DMXL2: variants seen among roughly 807,000 people sequenced by gnomAD.
The protein encoded by DMXL2 is dmX-like protein 2.
In DMXL2, 103 loss-of-function variants were observed where a neutral mutation model predicts 331.1. The ratio of observed to expected loss-of-function variants is 0.31; its 90% CI spans 0.27 to 0.37. The LOEUF (loss-of-function observed/expected upper bound fraction) is 0.37, where lower values mean the gene tolerates loss of function less well. DMXL2 is among the 10% of genes least tolerant of loss of function. The probability of loss-of-function intolerance (pLI) is 1.00; values close to 1 mark genes in which losing one functional copy is unlikely to be tolerated. For missense variants in DMXL2, 3,171 were observed against 3,642.9 expected (o/e 0.87, Z 3.33); for synonymous variants, 1,281 against 1,252.1 (o/e 1.02, Z -0.49).
chr15:51,542,330 T>C lies in DMXL2; in HGVS notation c.1105+3A>G. On this transcript the variant is annotated splice_donor_region_variant and intron_variant, in intron 9 of 43. Coordinates refer to ENST00000560891, the MANE Select transcript of DMXL2 (RefSeq NM_001378457.1). ...TTATGGGAAATAAAACTTTATCCTT[T>C]ACCTGTGGCAGGGTTGATGCTTGCT... 1 of 1,612,122 alleles carries C rather than the reference T, an allele frequency of 6.2e-7. No homozygotes were observed. Among genetic ancestry groups the C allele is most frequent in the Non-Finnish European group, 8.5e-7 (1 of 1,178,704 alleles).
At chr15:51,459,994 G>A in intron 33 of DMXL2, 1 of 984,806 alleles carries the variant, frequency 1.0e-6, no homozygotes, top group Non-Finnish European at 1.2e-6. Flanking sequence ...AGCAGATGCA[G>A]AAGATGCTAC....
chr15:51,517,388 C>T (rs1393087640), intron 13 of DMXL2, among the ~76,000 whole-genome samples: 1 of 152,210 alleles, frequency 6.6e-6, no homozygotes, highest in African/African-American at 2.4e-5. Flanking sequence ...TAGCATATAA[C>T]TTCAAGGTAT....
chr15:51,622,649 A>C lies in DMXL2; in HGVS notation c.-104T>G, dbSNP rs563016018. 1.4e-6 allele frequency: 2 copies of C among 1,442,844 alleles called. No individual in the cohort carries two copies. The highest frequency in any genetic ancestry group is 1.8e-6 in the Non-Finnish European group (2 of 1,092,840). The allele number at this position is 1,442,844 out of a possible 1,614,324, so 89.4% of individuals were successfully genotyped here. On this transcript the variant is annotated 5_prime_UTR_variant, in exon 1 of 44. Transcript: ENST00000560891. ...GTTTCCCTCTGTGCCTCCCTCGGAA[A>C]CCCGCCCCGCGGAGGCTCTGGCTTA...
chr15:51,600,891 C>T (rs75817679), intron 1 of DMXL2, among the ~76,000 whole-genome samples: 13,267 of 152,180 alleles, frequency 0.087, 862 homozygotes, highest in Non-Finnish European at 0.13. Context: ...ATGGTCATAT[C>T]CCAGCTCCAC....
At chr15:51,550,565 A>C (rs1226762191) in intron 6 of DMXL2, among the ~76,000 whole-genome samples, 3 of 152,150 alleles carry the variant, frequency 2.0e-5, no homozygotes, top group Non-Finnish European at 2.9e-5. Context: ...CACTAACTAT[A>C]TTCACCATGC....
At chr15:51,582,054 G>A (rs1475535569) in intron 1 of DMXL2, among the ~76,000 whole-genome samples, 4 of 152,100 alleles carry the variant, frequency 2.6e-5, no homozygotes, top group Non-Finnish European at 5.9e-5. Flanking sequence ...CTTTTCTACT[G>A]AAGAAGGTAC....
At chr15:51,478,126 T>C (rs1017661688) in intron 26 of DMXL2, 145 bp downstream of exon 26, 8 of 570,824 alleles carry the variant, frequency 1.4e-5, no homozygotes, top group Non-Finnish European at 2.1e-5. Flanking sequence ...AATTATTTTA[T>C]TTCTGATTCT....
chr15:51,579,427 T>C (rs143371761), intron 1 of DMXL2, among the ~76,000 whole-genome samples: 1 of 152,264 alleles, frequency 6.6e-6, no homozygotes, highest in East Asian at 1.9e-4. Context: ...CATTCTGTAA[T>C]TGAGGGCCCA....
At chr15:51,549,605 A>G (rs1260750346) in intron 6 of DMXL2, among the ~76,000 whole-genome samples, 1 of 152,178 alleles carries the variant, frequency 6.6e-6, no homozygotes, top group African/African-American at 2.4e-5. Context: ...TTTATACCAC[A>G]TCCCCACCAA....
At chr15:51,593,881 T>C (rs920060443) in intron 1 of DMXL2, among the ~76,000 whole-genome samples, 15 of 152,188 alleles carry the variant, frequency 9.9e-5, no homozygotes, top group African/African-American at 3.4e-4. Context: ...AACAAAGACA[T>C]GACATACCAG....
In DMXL2 at chr15:51,480,679, T is replaced by C; in HGVS notation, c.6427A>G (p.Arg2143Gly). The C allele has an allele frequency of 6.2e-7, 1 of 1,612,818 alleles. No individual in the cohort carries two copies. The highest frequency in any genetic ancestry group is 8.5e-7 in the Non-Finnish European group (1 of 1,178,982). Reference sequence around the variant, plus strand: ...TTTTTCTGCAACCACGACTTTCGTCTTTCTGCATGCTCTCGTTTGGCCTGC... The same window carrying C: ...TTTTTCTGCAACCACGACTTTCGTCCTTCTGCATGCTCTCGTTTGGCCTGC... Reference protein sequence around the residue: ...RLQAKREHAERRKSWLQKNQD... With the variant: ...RLQAKREHAEGRKSWLQKNQD... The change falls in exon 24 of 44, where the codon AGA (arginine) becomes GGA (glycine). Residue 2143 changes from arginine (R) to glycine (G), a missense_variant. Arg to Gly is a moderately radical substitution (Grantham distance 125). This residue lies in a region of DMXL2 where 197 missense variants were observed against 196.2 expected (regional missense o/e 1.00). Coordinates refer to ENST00000560891, the MANE Select transcript of DMXL2 (RefSeq NM_001378457.1).
rs779077865 is a variant in DMXL2, at chr15:51,486,113, T to C, written c.5442A>G (p.Thr1814=). The C allele has an allele frequency of 1.2e-5, 20 of 1,613,484 alleles. No individual in the cohort carries two copies. Among genetic ancestry groups the C allele is most frequent in the Non-Finnish European group, 1.7e-5 (20 of 1,179,580 alleles). ...VMKDYTRALD[T]LLEQTPKEDD... Reference sequence around the variant, plus strand: ...CCTCCTTTGGTGTTTGTTCCAGTAATGTGTCCAAGGCTCGGGTGTAATCTT... The same window carrying C: ...CCTCCTTTGGTGTTTGTTCCAGTAACGTGTCCAAGGCTCGGGTGTAATCTT... Residue 1814 remains threonine (T), a synonymous_variant, in exon 23 of 44, where the codon ACA becomes ACG. Transcript: ENST00000560891.
intron 1 of DMXL2, among the ~76,000 whole-genome samples, chr15:51,609,483 T>C (rs2053811106): frequency 6.6e-6 from 1 of 152,262 alleles, no homozygotes; most frequent in Non-Finnish European, 1.5e-5. Context: ...ATATTTTCAC[T>C]GTACCTTTTC....
chr15:51,448,140 A>AC lies in DMXL2; in HGVS notation c.*843dup, dbSNP rs2038839067. ...CTATTAACTGGCCACAAGAAGCCTA[A>AC]CATTCATTTTAATTATGATATGAAA... On this transcript the variant is annotated 3_prime_UTR_variant, in exon 44 of 44. Coordinates refer to ENST00000560891, the MANE Select transcript of DMXL2 (RefSeq NM_001378457.1). 6.5e-6 allele frequency: 1 copy of AC among 152,774 alleles called. No homozygotes were observed. Among genetic ancestry groups the AC allele is most frequent in the South Asian group, 2.1e-4 (1 of 4,824 alleles). The allele number at this position is 152,774 out of a possible 1,614,324, so 9.5% of individuals were successfully genotyped here.
At chr15:51,555,483 G>T (rs900339987) in intron 6 of DMXL2, among the ~76,000 whole-genome samples, 5 of 152,120 alleles carry the variant, frequency 3.3e-5, no homozygotes, top group Admixed American at 2.0e-4. Context: ...GACTAGAAGA[G>T]CCCTGGGCAC....
At chr15:51,512,456 G>A (rs73399572) in intron 15 of DMXL2, among the ~76,000 whole-genome samples, 7 of 152,286 alleles carry the variant, frequency 4.6e-5, no homozygotes, top group African/African-American at 1.4e-4. Flanking sequence ...AATATGTAAG[G>A]AAGTTATTTT....
intron 36 of DMXL2, chr15:51,457,744 G>A: frequency 3.0e-6 from 1 of 338,482 alleles, no homozygotes; most frequent in South Asian, 4.0e-5. Context: ...AAAATATTAT[G>A]TTCTCTTCAA....
chr15:51,511,535 AAAC>A (rs2046755359), intron 15 of DMXL2, among the ~76,000 whole-genome samples: 1 of 152,160 alleles, frequency 6.6e-6, no homozygotes, highest in South Asian at 2.1e-4. Context: ...AAAAGTCAAG[AAAC>A]AACAGATGCT....
At chr15:51,566,232 GGTGT>G (rs71127197) in intron 3 of DMXL2, among the ~76,000 whole-genome samples, 10,331 of 144,588 alleles carry the variant, frequency 0.071, 382 homozygotes, top group African/African-American at 0.082. Context: ...GTGTGTGTGG[GGTGT>G]GTGTGTGTGT....
Sources: allele counts gnomAD v4.1 joint callset (sites outside exome capture counted in the v4.1 genomes callset), GRCh38; gene constraint gnomAD v4.1.1; regional missense constraint gnomAD v4.1.1; transcripts MANE v1.5; gene names NCBI Gene and HGNC (gene_info 2026-07-23, HGNC 2026-07-21).